Variants in BRAF observed in about 807,000 individuals in gnomAD.
The protein encoded by BRAF is B-Raf proto-oncogene, serine/threonine kinase.
Under a neutral mutation model 104.6 loss-of-function variants are expected in BRAF, and 16 were observed. That is an observed-to-expected ratio of 0.15 (90% CI 0.10 to 0.23). The LOEUF (loss-of-function observed/expected upper bound fraction) is 0.23, where lower values mean the gene tolerates loss of function less well. Among genes scored for constraint, BRAF ranks in the 10% least tolerant of loss-of-function variants. The pLI, the probability that BRAF is intolerant of heterozygous loss-of-function variation, is 1.00. For synonymous variants in BRAF, 310 were observed against 341.6 expected (o/e 0.91, Z 1.02); for missense variants, 541 against 937.3 (o/e 0.58, Z 5.52).
intron 1 of BRAF, among the ~76,000 whole-genome samples, chr7:140,915,049 CA>C (rs567503566): frequency 0.097 from 6,030 of 61,888 alleles, 49 homozygotes; most frequent in African/African-American, 0.15. Context: ...ACTCCGTCTC[CA>C]AAAAAAAAAA....
rs546306407 is a variant in BRAF, at chr7:140,815,011, T to TA, written c.505-6017dup. Among the ~76,000 whole-genome samples the TA allele has an allele frequency of 2.4e-4, 37 of 152,012 alleles. No individual in the cohort carries two copies. In the South Asian group the frequency reaches 2.7e-3, roughly 11 times the overall value. Reference sequence around the variant, plus strand: ...TAAGCTTCATGATACAGTAACATCTTAAATAAACTGGCACAGAATATACAT... The same window carrying TA: ...TAAGCTTCATGATACAGTAACATCTTAAAATAAACTGGCACAGAATATACAT... On this transcript the variant is annotated intron_variant, in intron 3 of 19. Coordinates refer to ENST00000644969, the MANE Select transcript of BRAF (RefSeq NM_001374258.1).
Position 140,726,258 on chromosome 7 carries a change from C to T in BRAF, c.*236G>A. On this transcript the variant is annotated 3_prime_UTR_variant, in exon 20 of 20. Transcript: ENST00000644969. Reference sequence around the variant, plus strand: ...CTCTTTCTTCCTGGGACTGGGCAGACTTGTATGCTCGTGGTATTTTTGTTG... The same window carrying T: ...CTCTTTCTTCCTGGGACTGGGCAGATTTGTATGCTCGTGGTATTTTTGTTG... 2 of 1,397,572 alleles carry T rather than the reference C, an allele frequency of 1.4e-6. No individual in the cohort carries two copies. The highest frequency in any genetic ancestry group is 3.3e-5 in the South Asian group (2 of 60,544). The allele number at this position is 1,397,572 out of a possible 1,614,324, so 86.6% of individuals were successfully genotyped here. A position where few individuals can be genotyped will look rare whatever the true frequency, so the allele number is the denominator to read the frequency against.
chr7:140,806,289 T>C (rs373786188), intron 5 of BRAF, among the ~76,000 whole-genome samples: 66 of 152,338 alleles, frequency 4.3e-4, no homozygotes, highest in African/African-American at 1.4e-3. Flanking sequence ...TGTGCATCTA[T>C]AGAACTTTAT....
chr7:140,753,317 C>T lies in BRAF; in HGVS notation c.1938G>A (p.Gly646=), dbSNP rs1797931923. Residue 646 remains glycine, a synonymous_variant, in exon 16 of 20, where the codon GGG becomes GGA. Coordinates refer to ENST00000644969, the MANE Select transcript of BRAF (RefSeq NM_001374258.1). ...GLATVKSRWS[G]SHQFEQLSGS... ...CAGACAACTGTTCAAACTGATGGGA[C>T]CCACTCCATCGAGATTTCACTGTAG... is the stretch of plus-strand genomic sequence containing the variant. The T allele has an allele frequency of 2.5e-6, 4 of 1,612,524 alleles. No homozygotes were observed. Among genetic ancestry groups the T allele is most frequent in the Non-Finnish European group, 2.5e-6 (3 of 1,178,980 alleles).
At chr7:140,759,421 T>A (rs1353598984) in intron 14 of BRAF, among the ~76,000 whole-genome samples, 1 of 152,180 alleles carries the variant, frequency 6.6e-6, no homozygotes, top group Non-Finnish European at 1.5e-5. Flanking sequence ...AGTTTTGCCC[T>A]TGTCACCCAG....
intron 2 of BRAF, among the ~76,000 whole-genome samples, chr7:140,845,684 T>G (rs1004395432): frequency 6.6e-6 from 1 of 152,030 alleles, no homozygotes; most frequent in Non-Finnish European, 1.5e-5. Flanking sequence ...TTTTGCCTTG[T>G]TTTGTTTTGT....
intron 8 of BRAF, 64 bp from the exon 9 acceptor site, chr7:140,787,648 A>G: frequency 7.2e-7 from 1 of 1,386,236 alleles, no homozygotes; most frequent in Non-Finnish European, 1.0e-6. Flanking sequence ...TAGCGATAAC[A>G]CTGAATTTTC....
chr7:140,911,859 A>T (rs553650624), intron 1 of BRAF, among the ~76,000 whole-genome samples: 3 of 152,284 alleles, frequency 2.0e-5, no homozygotes, highest in African/African-American at 7.2e-5. Flanking sequence ...TTCATGTTCT[A>T]TTTCCCAATG....
chr7:140,794,243 T>C, intron 8 of BRAF, 65 bp downstream of exon 8: 2 of 1,576,302 alleles, frequency 1.3e-6, no homozygotes, highest in Non-Finnish European at 8.7e-7. Flanking sequence ...TAAGTTATAA[T>C]TATAGCAGAA....
chr7:140,874,479 C>T (rs1242381347), intron 1 of BRAF, among the ~76,000 whole-genome samples: 2 of 141,846 alleles, frequency 1.4e-5, no homozygotes, highest in African/African-American at 5.3e-5. Context: ...GGATTACAGG[C>T]GTGAGCCACC....
chr7:140,757,677 C>T (rs1415884208), intron 14 of BRAF, among the ~76,000 whole-genome samples: 1 of 152,148 alleles, frequency 6.6e-6, no homozygotes, highest in South Asian at 2.1e-4. Context: ...TTGCCTGCTT[C>T]ATTTTTCTTT....
In BRAF at chr7:140,872,245, T is replaced by A. The variant is rs6464121; in HGVS notation, c.139-22033A>T. Among the ~76,000 whole-genome samples the A allele has an allele frequency of 4.2e-4, 54 of 127,424 alleles. No individual in the cohort carries two copies. The East Asian group carries it at 5.7e-3, about 14-fold the overall frequency. The allele number at this position is 127,424 out of a possible 152,430, so 83.6% of individuals were successfully genotyped here. A position where few individuals can be genotyped will look rare whatever the true frequency, so the allele number is the denominator to read the frequency against. On this transcript the variant is annotated intron_variant, in intron 1 of 19. Coordinates refer to ENST00000644969, the MANE Select transcript of BRAF (RefSeq NM_001374258.1). ...TAAATAAATAAATAAATAAATAAAT[T>A]GCACAGAACAAGCTTGAAATTTAAA... is the stretch of plus-strand genomic sequence containing the variant.
chr7:140,842,447 C>T (rs1808065325), intron 2 of BRAF, among the ~76,000 whole-genome samples: 1 of 152,152 alleles, frequency 6.6e-6, no homozygotes, highest in Non-Finnish European at 1.5e-5. Flanking sequence ...CTACAGGGGA[C>T]TGTAGGATTC....
Position 140,924,798 on chromosome 7 carries a change from CGGAGGAGCGGGGGGCGCGGGGGGCGCGG to C in BRAF, c.-123_-96del. On this transcript the variant is annotated 5_prime_UTR_variant, in exon 1 of 20. Coordinates refer to ENST00000644969, the MANE Select transcript of BRAF (RefSeq NM_001374258.1). The surrounding 1 kb of genome is among the most constrained non-coding windows in gnomAD (Gnocchi z 4.2). Reference sequence around the variant, plus strand: ...GGGGAGGCGGAGGCGGAGGCGGAGGCGGAGGAGCGGGGGGCGCGGGGGGCGCGGGGAGGAGCGGCCCGGGCGGCGCCGC... The same window carrying C: ...GGGGAGGCGGAGGCGGAGGCGGAGGCGGAGGAGCGGCCCGGGCGGCGCCGC... 1 of 441,688 alleles carries C rather than the reference CGGAGGAGCGGGGGGCGCGGGGGGCGCGG, an allele frequency of 2.3e-6. No individual in the cohort carries two copies. The highest frequency in any genetic ancestry group is 4.0e-6 in the Non-Finnish European group (1 of 251,312). The allele number at this position is 441,688 out of a possible 1,614,324, so 27.4% of individuals were successfully genotyped here.
At chr7:140,889,721 GA>G (rs1813996155) in intron 1 of BRAF, among the ~76,000 whole-genome samples, 1 of 152,174 alleles carries the variant, frequency 6.6e-6, no homozygotes, top group African/African-American at 2.4e-5. Flanking sequence ...GGAGATTCAA[GA>G]CAATAATCCA....
intron 19 of BRAF, chr7:140,734,460 G>A: frequency 6.3e-7 from 1 of 1,575,806 alleles, no homozygotes; most frequent in East Asian, 2.2e-5. Flanking sequence ...ATTATATCTA[G>A]TCTTTAACCA....
At position 140,719,395 on chromosome 7, in the gene BRAF, CT is replaced by C. The variant is rs1229726869; in HGVS notation, c.*7098del. 4 of 1,006,538 alleles carry C rather than the reference CT, an allele frequency of 4.0e-6. No individual in the cohort carries two copies. The highest frequency in any genetic ancestry group is 4.8e-6 in the Non-Finnish European group (4 of 836,176). 62.4% of individuals were successfully genotyped at this position (1,006,538 alleles called of 1,614,324 possible). A position where few individuals can be genotyped will look rare whatever the true frequency, so the allele number is the denominator to read the frequency against. On this transcript the variant is annotated 3_prime_UTR_variant, in exon 20 of 20. Coordinates refer to ENST00000644969, the MANE Select transcript of BRAF (RefSeq NM_001374258.1). ...GCATATTCACATCAAGTACATAGAACTTTTTTTGCCTTTTATATAATACAGT... is the reference window on the plus strand; with the variant it reads ...GCATATTCACATCAAGTACATAGAACTTTTTTGCCTTTTATATAATACAGT...
intron 3 of BRAF, among the ~76,000 whole-genome samples, chr7:140,830,797 A>ATCCACTTCT (rs1806645734): frequency 6.6e-6 from 1 of 152,244 alleles, no homozygotes; most frequent in South Asian, 2.1e-4. Flanking sequence ...GCTCCTAAAG[A>ATCCACTTCT]GAGCACAGAA....
intron 6 of BRAF, 159 bp downstream of exon 6, chr7:140,801,253 C>G: frequency 1.4e-6 from 1 of 705,034 alleles, no homozygotes; most frequent in Non-Finnish European, 2.4e-6. Context: ...GAAATACTGT[C>G]CATTCCACAT....
Sources: allele counts gnomAD v4.1 joint callset (sites outside exome capture counted in the v4.1 genomes callset), GRCh38; gene constraint gnomAD v4.1.1; non-coding constraint Gnocchi (gnomAD v3.1); transcripts MANE v1.5; gene names NCBI Gene and HGNC (gene_info 2026-07-23, HGNC 2026-07-21).